The following PDE11A variants were observed in gnomAD, a reference collection of about 807,000 sequenced individuals.
The protein encoded by PDE11A is phosphodiesterase 11A, also known as dual 3',5'-cyclic-AMP and -GMP phosphodiesterase 11A.
Under a neutral mutation model 100.5 loss-of-function variants are expected in PDE11A, and 100 were observed. That is an observed-to-expected ratio of 1.00 (90% confidence interval 0.85 to 1.18). The LOEUF (loss-of-function observed/expected upper bound fraction) is 1.18. Among genes scored for constraint, PDE11A ranks in the 50% most tolerant of loss-of-function variants. PDE11A has a pLI of 0.00. For synonymous variants in PDE11A, 381 were observed against 420.8 expected, an observed-to-expected ratio of 0.91 and a Z score of 1.16; for missense variants, 1,141 against 1,152.6, an observed-to-expected ratio of 0.99 and a Z score of 0.15.
At chr2:177,869,987 T>C (rs2084099870) in intron 5 of PDE11A, among the ~76,000 whole-genome samples, 1 of 152,240 alleles carries the variant, frequency 6.6e-6, no homozygotes, top group African/African-American at 2.4e-5. Flanking sequence ...AAATTGATGT[T>C]CCACACCTTA....
chr2:178,097,607 G>A (rs764174417), intron 2 of PDE11A, among the ~76,000 whole-genome samples: 1 of 152,154 alleles, frequency 6.6e-6, no homozygotes, highest in Non-Finnish European at 1.5e-5. Context: ...TGGGGACACA[G>A]AGCCAAACCA....
At chr2:178,065,842 C>A (rs1478018687) in intron 1 of PDE11A, among the ~76,000 whole-genome samples, 1 of 152,022 alleles carries the variant, frequency 6.6e-6, no homozygotes, top group Non-Finnish European at 1.5e-5. Context: ...TCTAGACACC[C>A]AAAATTAATT....
In PDE11A at chr2:177,806,582, T is replaced by C. The variant is rs575717779; in HGVS notation, c.1737+10247A>G. On this transcript the variant is annotated intron_variant, in intron 9 of 19. Coordinates refer to ENST00000286063, the MANE Select transcript of PDE11A (RefSeq NM_016953.4). ...ATCTAGTAAAAATATTATTTACTTT[T>C]GTCCTTCTATACAACATGTTTGATA... is the stretch of plus-strand genomic sequence containing the variant. Among the ~76,000 whole-genome samples, 170 of 152,320 alleles carry C rather than the reference T, an allele frequency of 1.1e-3. 1 individual carries two copies. The highest frequency in any genetic ancestry group is 4.1e-3 in the African/African-American group (169 of 41,572).
intron 2 of PDE11A, chr2:177,997,976 C>A (rs184425319): frequency 9.4e-4 from 1,127 of 1,198,238 alleles, no homozygotes; most frequent in Non-Finnish European, 1.3e-3. Flanking sequence ...TTAGGGAGAA[C>A]CTGCTCACAG....
chr2:177,792,741 C>G (rs1188375942), intron 9 of PDE11A, among the ~76,000 whole-genome samples: 1 of 152,182 alleles, frequency 6.6e-6, no homozygotes, highest in Non-Finnish European at 1.5e-5. Flanking sequence ...CCATGGAGAT[C>G]AGATTAGATT....
At chr2:177,901,942 CA>C (rs1288719450) in intron 3 of PDE11A, among the ~76,000 whole-genome samples, 1 of 152,132 alleles carries the variant, frequency 6.6e-6, no homozygotes, top group Non-Finnish European at 1.5e-5. Flanking sequence ...AATCACATTA[CA>C]GTAATTTTAT....
At chr2:177,686,618 T>C (rs1225690390) in intron 15 of PDE11A, 1 of 150,210 alleles carries the variant, frequency 6.7e-6, no homozygotes, top group Non-Finnish European at 1.5e-5. Context: ...GAACCATGTA[T>C]AACACATCTG....
intron 1 of PDE11A, among the ~76,000 whole-genome samples, chr2:178,016,980 A>G (rs1468083684): frequency 6.6e-6 from 1 of 152,240 alleles, no homozygotes; most frequent in East Asian, 1.9e-4. Flanking sequence ...TTTAGCACTT[A>G]GATTCTCTGC....
At chr2:177,816,795 C>A in intron 9 of PDE11A, 34 bp downstream of exon 9, 1 of 1,201,298 alleles carries the variant, frequency 8.3e-7, no homozygotes. Context: ...TTAGAGCTGA[C>A]AGCATACAAA....
intron 1 of PDE11A, among the ~76,000 whole-genome samples, chr2:178,036,378 CA>C (rs1396524508): frequency 6.6e-6 from 1 of 152,096 alleles, no homozygotes; most frequent in African/African-American, 2.4e-5. Context: ...AGAGAGGACA[CA>C]AACAAGTGGA....
At chr2:178,090,557 T>G (rs2087410690) in intron 2 of PDE11A, among the ~76,000 whole-genome samples, 1 of 152,124 alleles carries the variant, frequency 6.6e-6, no homozygotes, top group Admixed American at 6.6e-5. Context: ...GGCCTTTTAC[T>G]TCCCCCTGCA....
chr2:177,721,016 G>A (rs749958527), intron 12 of PDE11A, among the ~76,000 whole-genome samples: 10 of 152,030 alleles, frequency 6.6e-5, no homozygotes, highest in South Asian at 4.2e-4. Flanking sequence ...CATATGTTGC[G>A]TAGATGTTTG....
intron 2 of PDE11A, among the ~76,000 whole-genome samples, chr2:177,961,454 C>T (rs1240331606): frequency 6.6e-6 from 1 of 152,174 alleles, no homozygotes; most frequent in Non-Finnish European, 1.5e-5. Context: ...CATCCGTCTC[C>T]AAAATCTCAG....
intron 9 of PDE11A, among the ~76,000 whole-genome samples, chr2:177,788,042 T>C (rs1288932018): frequency 6.6e-6 from 1 of 151,916 alleles, no homozygotes; most frequent in Non-Finnish European, 1.5e-5. Context: ...GCGGACCTAA[T>C]AGACATCCAC....
intron 2 of PDE11A, among the ~76,000 whole-genome samples, chr2:177,979,743 T>G (rs1423613681): frequency 2.0e-5 from 3 of 148,388 alleles, no homozygotes; most frequent in African/African-American, 7.4e-5. Context: ...CCCGCGTAGC[T>G]GGGACTACAG....
At chr2:177,846,789 A>G (rs2083608380) in intron 5 of PDE11A, among the ~76,000 whole-genome samples, 1 of 152,214 alleles carries the variant, frequency 6.6e-6, no homozygotes, top group South Asian at 2.1e-4. Context: ...TGGGCTTTCA[A>G]TGGCCCTCCT....
At chr2:177,736,813 T>C (rs2105458842) in intron 10 of PDE11A, among the ~76,000 whole-genome samples, 1 of 152,294 alleles carries the variant, frequency 6.6e-6, no homozygotes, top group South Asian at 2.1e-4. Flanking sequence ...CTTCCTCCCA[T>C]GGAAGAGCGG....
intron 2 of PDE11A, among the ~76,000 whole-genome samples, chr2:178,099,833 AC>A (rs781027895): frequency 4.7e-4 from 71 of 152,244 alleles, no homozygotes; most frequent in Non-Finnish European, 7.8e-4. Context: ...AGCATTAGTC[AC>A]AAGAGCCAAA....
At chr2:178,101,988 G>A (rs554197424) in intron 2 of PDE11A, among the ~76,000 whole-genome samples, 3 of 151,674 alleles carry the variant, frequency 2.0e-5, no homozygotes, top group Non-Finnish European at 2.9e-5. Context: ...TTTTGAGACA[G>A]GGTCTCACTC....
Sources: allele counts gnomAD v4.1 joint callset (sites outside exome capture counted in the v4.1 genomes callset), GRCh38; gene constraint gnomAD v4.1.1; transcripts MANE v1.5; gene names NCBI Gene and HGNC (gene_info 2026-07-23, HGNC 2026-07-21).